CRISPLD2: variants seen among roughly 807,000 people sequenced by gnomAD.
CRISPLD2 encodes the protein cysteine-rich secretory protein LCCL domain-containing 2.
A neutral mutation model predicts 71.1 loss-of-function variants in CRISPLD2; 47 were observed. That is an observed-to-expected ratio of 0.66 (90% CI 0.52 to 0.84). The LOEUF (loss-of-function observed/expected upper bound fraction) is 0.84, where lower values mean the gene tolerates loss of function less well. Ranked by LOEUF, CRISPLD2 falls within the 40% of genes least tolerant of loss-of-function variation. The pLI is 0.00. For synonymous variants in CRISPLD2, 317 were observed against 250.1 expected (o/e 1.27, Z -2.52); for missense variants, 830 against 651.1 (o/e 1.27, Z -2.99).
rs972723542 is a variant in CRISPLD2 at position 84,907,002 on chromosome 16, C to T, written c.*360C>T. The stretch of plus-strand genomic sequence containing the variant: ...GAGGAAGTTGATTTCAACCTCCCTG[C>T]CAAAAGAACAAACCATTTGAAGCTC... On this transcript the variant is annotated 3_prime_UTR_variant, in exon 15 of 15. Transcript: ENST00000262424. The T allele has an allele frequency of 2.7e-5, 8 of 299,706 alleles. No individual in the cohort carries two copies. The highest frequency in any genetic ancestry group is 5.1e-5 in the Non-Finnish European group (8 of 157,540). The allele number at this position is 299,706 out of a possible 1,614,324, so 18.6% of individuals were successfully genotyped here. A position where few individuals can be genotyped will look rare whatever the true frequency, so the allele number is the denominator to read the frequency against.
intron 1 of CRISPLD2, among the ~76,000 whole-genome samples, chr16:84,830,784 A>AT: frequency 4.0e-5 from 6 of 151,864 alleles, no homozygotes; most frequent in Admixed American, 3.9e-4. Context: ...TTTTTCCTGC[A>AT]TTTTACTGTG....
intron 6 of CRISPLD2, among the ~76,000 whole-genome samples, chr16:84,857,047 C>A (rs543350438): frequency 1.3e-5 from 2 of 152,334 alleles, no homozygotes; most frequent in African/African-American, 4.8e-5. Flanking sequence ...ATGTAATTAA[C>A]CTGCCACCAG....
At chr16:84,832,138 C>T (rs929391682) in intron 1 of CRISPLD2, among the ~76,000 whole-genome samples, 1 of 152,290 alleles carries the variant, frequency 6.6e-6, no homozygotes, top group Non-Finnish European at 1.5e-5. Context: ...CTCCAGCCTT[C>T]TAAAATCCCT....
rs1289822745 is a variant in CRISPLD2 at position 84,854,659 on chromosome 16, TG to T, written c.609-68del. 8 of 1,140,786 alleles carry T rather than the reference TG, an allele frequency of 7.0e-6. No individual in the cohort carries two copies. The African/African-American group carries it at 1.1e-4, about 15-fold the overall frequency. The allele number at this position is 1,140,786 out of a possible 1,614,324, so 70.7% of individuals were successfully genotyped here. On this transcript the variant is annotated intron_variant, in intron 5 of 14. Coordinates refer to ENST00000262424, the MANE Select transcript of CRISPLD2 (RefSeq NM_031476.4). ...GGTGTTCAGGGACTCACGTGGGCCT[TG>T]GAAGAGGATCAGTCCCGAGGCCTCA...
intron 13 of CRISPLD2, among the ~76,000 whole-genome samples, chr16:84,887,619 G>A (rs1437186593): frequency 1.3e-5 from 2 of 152,250 alleles, no homozygotes; most frequent in African/African-American, 2.4e-5. Flanking sequence ...GCTCACGCCT[G>A]TAGTCCCAGC....
At chr16:84,901,724 T>C (rs2071755984) in intron 14 of CRISPLD2, among the ~76,000 whole-genome samples, 1 of 150,858 alleles carries the variant, frequency 6.6e-6, no homozygotes, top group East Asian at 2.0e-4. Flanking sequence ...GTGATCCACC[T>C]GCCTCAACCT....
At chr16:84,883,344 A>T (rs1307438195) in intron 13 of CRISPLD2, among the ~76,000 whole-genome samples, 5 of 152,204 alleles carry the variant, frequency 3.3e-5, no homozygotes, top group Admixed American at 3.3e-4. Flanking sequence ...CCTGTTCACC[A>T]GGACTGCATT....
chr16:84,846,501 A>G (rs1452908702), intron 3 of CRISPLD2, among the ~76,000 whole-genome samples: 1 of 152,020 alleles, frequency 6.6e-6, no homozygotes, highest in South Asian at 2.1e-4. Context: ...TGATCCACCC[A>G]CGTTGGCCTC....
At chr16:84,893,501 G>A (rs2071680505) in intron 14 of CRISPLD2, among the ~76,000 whole-genome samples, 1 of 152,126 alleles carries the variant, frequency 6.6e-6, no homozygotes. Context: ...CTTAGGGAGC[G>A]CTGACGATGT....
intron 6 of CRISPLD2, among the ~76,000 whole-genome samples, chr16:84,855,411 C>T (rs988560312): frequency 6.6e-5 from 10 of 152,164 alleles, no homozygotes; most frequent in African/African-American, 2.2e-4. Context: ...ACTTCAAGCC[C>T]GATGTTTGAG....
intron 1 of CRISPLD2, among the ~76,000 whole-genome samples, chr16:84,837,973 G>C (rs576134378): frequency 4.6e-5 from 7 of 152,322 alleles, no homozygotes; most frequent in African/African-American, 1.7e-4. Flanking sequence ...GGTAAACTGA[G>C]TCTGACTTCA....
In CRISPLD2 at chr16:84,864,153, G is replaced by A. The variant is rs143571122; in HGVS notation, c.710-2744G>A. On this transcript the variant is annotated intron_variant, in intron 6 of 14. Transcript: ENST00000262424. Reference sequence around the variant, plus strand: ...AAACAATGCCCTGAGACCCTGGCCCGGAGCAGAATGGGGCACAGAATAACC... The same window carrying A: ...AAACAATGCCCTGAGACCCTGGCCCAGAGCAGAATGGGGCACAGAATAACC... 5.0e-3 allele frequency among the ~76,000 whole-genome samples: 767 copies of A among 152,170 alleles called. 4 individuals are homozygous for A. The highest frequency in any genetic ancestry group is 0.017 in the African/African-American group (709 of 41,518).
chr16:84,828,412 G>C (rs138391526), intron 1 of CRISPLD2: 1 of 152,226 alleles, frequency 6.6e-6, no homozygotes, highest in African/African-American at 2.4e-5. Context: ...TTAGAGGCTT[G>C]AGGAAGTTGA....
At position 84,849,483 on chromosome 16, in the gene CRISPLD2, G is replaced by T. The variant is rs1917018809; in HGVS notation, c.458G>T (p.Arg153Met). ...PSECNPWCPERCSGPMCTHYT... is the reference protein window; with the variant it reads ...PSECNPWCPEMCSGPMCTHYT... The stretch of plus-strand genomic sequence containing the variant: ...GAGTGCAACCCCTGGTGTCCAGAGA[G>T]GTGCTCGGGGCCCATGTGCACGCAC... Residue 153 changes from arginine (R) to methionine (M), a missense_variant, in exon 4 of 15, where the codon AGG (arginine) becomes ATG (methionine). By Grantham distance (91) the Arg-to-Met change is moderately conservative (BLOSUM62 -1). Transcript: ENST00000262424. 6.2e-7 allele frequency: 1 copy of T among 1,614,138 alleles called. No individual in the cohort carries two copies. The highest frequency in any genetic ancestry group is 2.2e-5 in the East Asian group (1 of 44,884).
At chr16:84,893,223 A>G (rs938771991) in intron 14 of CRISPLD2, among the ~76,000 whole-genome samples, 1 of 152,058 alleles carries the variant, frequency 6.6e-6, no homozygotes, top group Admixed American at 6.6e-5. Flanking sequence ...TCCTCTCTCT[A>G]ATGGGTTGCC....
chr16:84,837,800 G>A (rs1175867173), intron 1 of CRISPLD2, among the ~76,000 whole-genome samples: 1 of 152,082 alleles, frequency 6.6e-6, no homozygotes, highest in Non-Finnish European at 1.5e-5. Context: ...TAACATAAAC[G>A]ACCGGCCTGT....
intron 6 of CRISPLD2, among the ~76,000 whole-genome samples, chr16:84,857,778 G>C (rs909307627): frequency 1.3e-5 from 2 of 152,210 alleles, no homozygotes; most frequent in African/African-American, 4.8e-5. Context: ...CAGGCTGGGG[G>C]AAAGAAGGCA....
chr16:84,838,079 C>G (rs1916669957), intron 1 of CRISPLD2, among the ~76,000 whole-genome samples: 1 of 152,036 alleles, frequency 6.6e-6, no homozygotes, highest in African/African-American at 2.4e-5. Context: ...GTGATAGAAG[C>G]TAATTTGTGC....
chr16:84,849,173 C>T (rs1314325417), intron 3 of CRISPLD2: 2 of 548,252 alleles, frequency 3.6e-6, no homozygotes, highest in South Asian at 2.2e-5. Flanking sequence ...CTCGGCCTCC[C>T]TCCCTCCTCG....
Sources: gnomAD v4.1 joint callset for allele counts (sites outside exome capture counted in the v4.1 genomes callset) on GRCh38, gnomAD v4.1.1 for gene constraint, MANE v1.5 for transcripts, NCBI Gene and HGNC (gene_info 2026-07-23, HGNC 2026-07-21) for gene names.